TTLL3: variants seen among roughly 807,000 people sequenced by gnomAD.
TTLL3 encodes tubulin tyrosine ligase like 3, also known as tubulin monoglycylase TTLL3.
Under a neutral mutation model 75.2 loss-of-function variants are expected in TTLL3, and 63 were observed. That is an observed-to-expected ratio of 0.84 (90% confidence interval 0.68 to 1.03). The LOEUF is 1.03. TTLL3 is among the 50% of genes least tolerant of loss of function. TTLL3 has a pLI of 0.00. For missense variants in TTLL3, 997 were observed against 1,069.9 expected, an observed-to-expected ratio of 0.93 and a Z score of 0.95; for synonymous variants, 393 against 418.5, an observed-to-expected ratio of 0.94 and a Z score of 0.74.
intron 11 of TTLL3, among the ~76,000 whole-genome samples, chr3:9,831,963 G>A (rs893006877): frequency 1.3e-5 from 2 of 149,948 alleles, no homozygotes; most frequent in Non-Finnish European, 3.0e-5. Context: ...GCTAATTTTT[G>A]TGTTTTTAGT....
intron 8 of TTLL3, among the ~76,000 whole-genome samples, chr3:9,822,546 C>G (rs1310620309): frequency 6.6e-6 from 1 of 151,362 alleles, no homozygotes; most frequent in Non-Finnish European, 1.5e-5. Flanking sequence ...TTTTTTGAGA[C>G]AGGGTCTCAC....
Position 9,835,819 on chromosome 3 carries a change from A to C in TTLL3, c.*330A>C. The C allele has an allele frequency of 3.4e-6, 1 of 291,214 alleles. No individual in the cohort carries two copies. The highest frequency in any genetic ancestry group is 2.2e-5 in the African/African-American group (1 of 45,904). 18.0% of individuals were successfully genotyped at this position (291,214 alleles called of 1,614,324 possible). On this transcript the variant is annotated 3_prime_UTR_variant, in exon 14 of 14. Coordinates refer to ENST00000685419, the MANE Select transcript of TTLL3 (RefSeq NM_001387446.1). ...ACAGGGGAAGGAATTGGCCTTGCCTAAACCTCAGCCCTTCTGCAGAGGGCA... is the reference window on the plus strand; with the variant it reads ...ACAGGGGAAGGAATTGGCCTTGCCTCAACCTCAGCCCTTCTGCAGAGGGCA...
At chr3:9,815,241 CAAA>C (rs55895905) in intron 4 of TTLL3, among the ~76,000 whole-genome samples, 7 of 140,602 alleles carry the variant, frequency 5.0e-5, no homozygotes, top group African/African-American at 1.6e-4. Context: ...GACTCCATCT[CAAA>C]AAAAAAAAAA....
rs1420567247 is a variant in TTLL3 at position 9,829,243 on chromosome 3, A to G, written c.1531A>G (p.Ile511Val). 6.2e-7 allele frequency: 1 copy of G among 1,614,158 alleles called. No homozygotes were observed. The highest frequency in any genetic ancestry group is 8.5e-7 in the Non-Finnish European group (1 of 1,180,018). Residue 511 changes from isoleucine (I) to valine (V), a missense_variant, in exon 11 of 14, where the codon ATT becomes GTT. Coordinates refer to ENST00000685419, the MANE Select transcript of TTLL3 (RefSeq NM_001387446.1). ...CGGGGAGGACTTCCAGCCCTGGCTG[A>G]TTGAGATCAACGCCAGCCCCACGAT... Reference protein sequence around the residue: ...VFGEDFQPWLIEINASPTMAP... With the variant: ...VFGEDFQPWLVEINASPTMAP...
chr3:9,824,550 A>AC (rs1459295671), intron 8 of TTLL3, among the ~76,000 whole-genome samples: 1 of 151,942 alleles, frequency 6.6e-6, no homozygotes, highest in Admixed American at 6.6e-5. Flanking sequence ...AGCTGGGATT[A>AC]CAGGTGCCCA....
At chr3:9,825,235 A>G (rs570134367) in intron 8 of TTLL3, among the ~76,000 whole-genome samples, 16 of 151,798 alleles carry the variant, frequency 1.1e-4, no homozygotes, top group African/African-American at 2.9e-4. Flanking sequence ...TGTAATTCCA[A>G]CTACTTGGGA....
rs2079502356 is a variant in TTLL3 at position 9,813,118 on chromosome 3, G to T, written c.217+7G>T. 1.3e-6 allele frequency: 2 copies of T among 1,586,078 alleles called. No individual in the cohort carries two copies. The highest frequency in any genetic ancestry group is 4.5e-5 in the East Asian group (2 of 44,546). ...AGTGACACCACTGAGGATGGTGAGT[G>T]GTTCCTTCCCTTTCCACAGCTGTTG... On this transcript the variant is annotated splice_region_variant and intron_variant, in intron 3 of 13. Transcript: ENST00000685419.
intron 12 of TTLL3, 58 bp downstream of exon 12, chr3:9,833,303 G>A (rs1272116545): frequency 6.3e-7 from 1 of 1,596,600 alleles, no homozygotes; most frequent in African/African-American, 1.3e-5. Context: ...ACTGGGGCCA[G>A]GAGCCTGGGG....
chr3:9,824,559 C>T (rs2080830796), intron 8 of TTLL3, among the ~76,000 whole-genome samples: 1 of 150,102 alleles, frequency 6.7e-6, no homozygotes, highest in African/African-American at 2.5e-5. Flanking sequence ...TACAGGTGCC[C>T]ACCACCACAC....
rs115300917 is a variant in TTLL3 at position 9,813,298 on chromosome 3, G to A, written c.268G>A (p.Asp90Asn). The change falls in exon 4 of 14, where the codon GAT becomes AAT. Residue 90 changes from aspartate to asparagine, a missense_variant. Coordinates refer to ENST00000685419, the MANE Select transcript of TTLL3 (RefSeq NM_001387446.1). ...EFQPSQLFDF[D>N]DLLKFDDLDG... ...CCAGCCATCACAGCTGTTCGACTTCGATGATTTACTGAAATTTGATGACCT... is the reference window on the plus strand; with the variant it reads ...CCAGCCATCACAGCTGTTCGACTTCAATGATTTACTGAAATTTGATGACCT... 39 of 1,614,212 alleles carry A rather than the reference G, an allele frequency of 2.4e-5. No individual in the cohort carries two copies. Among genetic ancestry groups the A allele is most frequent in the Middle Eastern group, 1.6e-4 (1 of 6,062 alleles).
chr3:9,828,834 G>A (rs1447548885), intron 10 of TTLL3, 126 bp from the exon 11 acceptor site: 3 of 1,227,064 alleles, frequency 2.4e-6, no homozygotes, highest in Non-Finnish European at 3.4e-6. Flanking sequence ...CTTCCCAGTA[G>A]GGCCCCATCT....
At chr3:9,809,833 C>A (rs946798407), upstream of TTLL3, 2 of 458,554 alleles carry the variant, frequency 4.4e-6, no homozygotes, top group Non-Finnish European at 7.1e-6. Flanking sequence ...CCCAACCAGC[C>A]CCGAGCGGTC....
intron 6 of TTLL3, 166 bp from the exon 7 acceptor site, chr3:9,818,656 C>T: frequency 2.0e-6 from 3 of 1,475,298 alleles, no homozygotes; most frequent in Non-Finnish European, 2.7e-6. Flanking sequence ...GCGTCAGCCA[C>T]CGTGACCAGC....
Position 9,825,951 on chromosome 3 carries a change from G to T in TTLL3, c.1003+3G>T. 6.2e-7 allele frequency: 1 copy of T among 1,611,946 alleles called. No homozygotes were observed. Among genetic ancestry groups the T allele is most frequent in the South Asian group, 1.1e-5 (1 of 91,036 alleles). On this transcript the variant is annotated splice_donor_region_variant and intron_variant, in intron 9 of 13. Coordinates refer to ENST00000685419, the MANE Select transcript of TTLL3 (RefSeq NM_001387446.1). ...AGGAGCCAAGTCCCGCGGACGAGGT[G>T]GGGGTCAGCTCCTGCTTCCTGCACT...
upstream of TTLL3, chr3:9,810,128 A>C: frequency 6.8e-7 from 1 of 1,470,460 alleles, no homozygotes; most frequent in Non-Finnish European, 8.9e-7. The surrounding 1 kb of genome is among the most constrained non-coding windows in gnomAD (Gnocchi z 4.4). Flanking sequence ...CGGAAGCCGC[A>C]GCCGCTCGAG....
At position 9,834,675 on chromosome 3, in the gene TTLL3, C is replaced by G; in HGVS notation, c.1826-6C>G. On this transcript the variant is annotated splice_polypyrimidine_tract_variant and splice_region_variant and intron_variant, in intron 12 of 13. Transcript: ENST00000685419. ...CAGGGCCTCACAGCTTCTCTTGCTCCCACAGCCCGTCACCACTTCCCCAGC... is the reference window on the plus strand; with the variant it reads ...CAGGGCCTCACAGCTTCTCTTGCTCGCACAGCCCGTCACCACTTCCCCAGC... 1 of 1,614,028 alleles carries G rather than the reference C, an allele frequency of 6.2e-7. No homozygotes were observed. Among genetic ancestry groups the G allele is most frequent in the Non-Finnish European group, 8.5e-7 (1 of 1,179,996 alleles).
In TTLL3 at chr3:9,820,874, G is replaced by C. The variant is rs547236580; in HGVS notation, c.854+133G>C. 1.5e-4 allele frequency: 206 copies of C among 1,414,744 alleles called. 1 individual carries two copies. The East Asian group carries it at 5.0e-3, about 34-fold the overall frequency. 87.6% of individuals were successfully genotyped at this position (1,414,744 alleles called of 1,614,324 possible). On this transcript the variant is annotated intron_variant, in intron 8 of 13. Transcript: ENST00000685419. ...CCCGCTGTTCTGCTCAGGAACCCTCGAGGACTCCCACTGCCTCCGTGATAG... is the reference window on the plus strand; with the variant it reads ...CCCGCTGTTCTGCTCAGGAACCCTCCAGGACTCCCACTGCCTCCGTGATAG...
rs568235473 is a variant in TTLL3 at position 9,829,107 on chromosome 3, C to T, written c.1395C>T (p.Thr465=). Residue 465 remains threonine (T), a synonymous_variant, in exon 11 of 14, where the codon ACC becomes ACT. Transcript: ENST00000685419. ...TGGGTGCCCCAAATGCTTGGTCCAC[C>T]ATCATCGTGCCTGGCATGAAGGATG... ...QEMGAPNAWS[T]IIVPGMKDAV... is the part of the protein sequence containing the mutation. 1.2e-6 allele frequency: 2 copies of T among 1,614,228 alleles called. No homozygotes were observed. Among genetic ancestry groups the T allele is most frequent in the African/African-American group, 2.7e-5 (2 of 75,066 alleles).
At chr3:9,830,967 T>C (rs1248900889) in intron 11 of TTLL3, among the ~76,000 whole-genome samples, 3 of 152,044 alleles carry the variant, frequency 2.0e-5, no homozygotes, top group Non-Finnish European at 2.9e-5. Context: ...CATGCCCGGC[T>C]AATTTTTTGT....
Sources: gnomAD v4.1 joint callset for allele counts (sites outside exome capture counted in the v4.1 genomes callset) on GRCh38, gnomAD v4.1.1 for gene constraint, Gnocchi (gnomAD v3.1) non-coding constraint, MANE v1.5 for transcripts, NCBI Gene and HGNC (gene_info 2026-07-23, HGNC 2026-07-21) for gene names.